Variants in FBXO11 observed in about 807,000 individuals in gnomAD.
FBXO11 encodes F-box protein 11, also known as F-box only protein 11.
Under a neutral mutation model 117.0 loss-of-function variants are expected in FBXO11, and 13 were observed. The observed-to-expected ratio is 0.11, with a 90% CI of 0.07 to 0.18. The LOEUF is 0.18. Ranked by LOEUF, FBXO11 falls within the 10% of genes least tolerant of loss-of-function variation. The pLI is 1.00. For synonymous variants in FBXO11, 490 were observed against 380.5 expected (o/e 1.29, Z -3.35); for missense variants, 767 against 1,164.4 (o/e 0.66, Z 4.97).
At chr2:47,905,291 G>C (rs1025755030) in intron 1 of FBXO11, 198 bp downstream of exon 1, 5 of 383,572 alleles carry the variant, frequency 1.3e-5, no homozygotes, top group African/African-American at 4.2e-5. Flanking sequence ...AGGCGAGAAG[G>C]GAAGCCGCGG....
rs1678816590 is a variant in FBXO11, at chr2:47,906,374, G to T, written c.-654C>A. ...AGGGAGGAGATAGGGGGAAAAAGAG[G>T]CGTCGTCCTTCCTCCTCCTTAAAGG... On this transcript the variant is annotated 5_prime_UTR_variant, in exon 1 of 23. Coordinates refer to ENST00000403359, the MANE Select transcript of FBXO11 (RefSeq NM_001190274.2). Among the ~76,000 whole-genome samples the T allele has an allele frequency of 6.6e-6, 1 of 152,176 alleles. No individual in the cohort carries two copies. The highest frequency in any genetic ancestry group is 2.4e-5 in the African/African-American group (1 of 41,442).
Position 47,905,665 on chromosome 2 carries a change from G to C in FBXO11, c.56C>G (p.Pro19Arg), listed in dbSNP as rs1572943731. ...GGGCTGCTGCTGCTGTTGCTGCACC[G>C]GGCGCGGCCGCGACACTCGCCTGGG... ...RRPRRVSRPR[P>R]VQQQQQQPPQ... Residue 19 changes from proline (P) to arginine (R), a missense_variant, in exon 1 of 23, where the codon CCG becomes CGG. Physicochemically the swap from Pro to Arg is moderately radical, Grantham distance 103. Around this residue, in one of 10 missense-constraint regions of FBXO11, gnomAD observed 355 missense variants for 299.8 expected, o/e 1.18. Coordinates refer to ENST00000403359, the MANE Select transcript of FBXO11 (RefSeq NM_001190274.2). 1 of 1,501,766 alleles carries C rather than the reference G, an allele frequency of 6.7e-7. No individual in the cohort carries two copies. Among genetic ancestry groups the C allele is most frequent in the Non-Finnish European group, 8.9e-7 (1 of 1,127,400 alleles). The allele number at this position is 1,501,766 out of a possible 1,614,324, so 93.0% of individuals were successfully genotyped here.
At chr2:47,895,858 A>G (rs1027546121) in intron 1 of FBXO11, among the ~76,000 whole-genome samples, 2 of 152,052 alleles carry the variant, frequency 1.3e-5, no homozygotes, top group Non-Finnish European at 2.9e-5. Context: ...ATACCCAGCT[A>G]GCCAATTTCT....
intron 1 of FBXO11, 68 bp downstream of exon 1, chr2:47,905,421 C>G (rs1678708247): frequency 8.5e-7 from 1 of 1,172,510 alleles, no homozygotes; most frequent in Non-Finnish European, 1.0e-6. Context: ...CCCGCCCGCC[C>G]GCCCGCCCCG....
chr2:47,893,225 C>G (rs1378627035), intron 1 of FBXO11, among the ~76,000 whole-genome samples: 1 of 151,518 alleles, frequency 6.6e-6, no homozygotes, highest in African/African-American at 2.4e-5. Context: ...TCAAAACAAG[C>G]CTTTATCTTA....
chr2:47,888,015 TG>T (rs1033089208), intron 1 of FBXO11, among the ~76,000 whole-genome samples: 3 of 151,290 alleles, frequency 2.0e-5, no homozygotes, highest in Non-Finnish European at 4.4e-5. Context: ...AAACCTTGTC[TG>T]AAAAAAAAAA....
At chr2:47,900,815 CGTGT>C (rs1310077766) in intron 1 of FBXO11, among the ~76,000 whole-genome samples, 2 of 76,634 alleles carry the variant, frequency 2.6e-5, no homozygotes, top group South Asian at 4.5e-4. Context: ...TATACACACA[CGTGT>C]ATATATATAC....
chr2:47,870,747 A>C (rs1008432401), intron 1 of FBXO11, among the ~76,000 whole-genome samples: 3 of 152,232 alleles, frequency 2.0e-5, no homozygotes, highest in Non-Finnish European at 2.9e-5. Flanking sequence ...TGGTAGCACT[A>C]GAAAAGCTAG....
At chr2:47,811,476 C>G (rs530736973) in intron 18 of FBXO11, 83 of 152,418 alleles carry the variant, frequency 5.4e-4, no homozygotes, top group African/African-American at 1.9e-3. Flanking sequence ...GGGCCTCCCC[C>G]AAAGTGCTGG....
chr2:47,851,989 A>ATGTTTTTT (rs1673899210), intron 1 of FBXO11, among the ~76,000 whole-genome samples: 1 of 132,850 alleles, frequency 7.5e-6, no homozygotes, highest in South Asian at 2.4e-4. Context: ...CAAGCAACCA[A>ATGTTTTTT]TTTTTTTTTT....
chr2:47,812,733 G>A (rs1375162144), intron 18 of FBXO11: 11 of 191,380 alleles, frequency 5.7e-5, no homozygotes, highest in Non-Finnish European at 9.7e-5. Flanking sequence ...ATCTGTAAGG[G>A]GCAGGCACTA....
intron 1 of FBXO11, among the ~76,000 whole-genome samples, chr2:47,841,123 G>A (rs1001732020): frequency 2.0e-5 from 3 of 151,460 alleles, no homozygotes; most frequent in Non-Finnish European, 2.9e-5. Context: ...GTGTGAACCC[G>A]GGAGGCAGAG....
chr2:47,904,720 G>A (rs1315250529), intron 1 of FBXO11, among the ~76,000 whole-genome samples: 1 of 152,146 alleles, frequency 6.6e-6, no homozygotes, highest in African/African-American at 2.4e-5. Flanking sequence ...GGGGAGGACA[G>A]GCGAGGGGGT....
At chr2:47,836,395 GTCTATT>G (rs1672564448) in intron 4 of FBXO11, among the ~76,000 whole-genome samples, 2 of 152,152 alleles carry the variant, frequency 1.3e-5, no homozygotes, top group Non-Finnish European at 2.9e-5. Context: ...TTGAGACATA[GTCTATT>G]TCTATCACCC....
chr2:47,813,005 A>T, intron 18 of FBXO11: 1 of 529,762 alleles, frequency 1.9e-6, no homozygotes, highest in Admixed American at 3.2e-5. Context: ...TCTATCTTTA[A>T]AAAGGCTTAC....
At chr2:47,900,743 TAC>T (rs1372555643) in intron 1 of FBXO11, among the ~76,000 whole-genome samples, 18 of 85,114 alleles carry the variant, frequency 2.1e-4, no homozygotes, top group African/African-American at 6.9e-4. Context: ...TGTATATATA[TAC>T]ACGTATACAC....
chr2:47,808,634 T>TA (rs1670391743), intron 21 of FBXO11: 2 of 488,868 alleles, frequency 4.1e-6, no homozygotes, highest in South Asian at 7.7e-5. Context: ...AGAGAAATGA[T>TA]TTGTAAATTG....
chr2:47,900,706 GTA>G lies in FBXO11; in HGVS notation c.232+4781_232+4782del, dbSNP rs564965609. On this transcript the variant is annotated intron_variant, in intron 1 of 22. Transcript: ENST00000403359. ...TATACACACACGTATACACACACGT[GTA>G]TATATATACACGTATACACACACGT... Among the ~76,000 whole-genome samples, 9 of 73,592 alleles carry G rather than the reference GTA, an allele frequency of 1.2e-4. 1 individual carries two copies. Among genetic ancestry groups the G allele is most frequent in the South Asian group, 7.6e-4 (2 of 2,634 alleles). The allele number at this position is 73,592 out of a possible 152,430, so 48.3% of individuals were successfully genotyped here.
chr2:47,905,315 C>T (rs1346423028), intron 1 of FBXO11, 174 bp downstream of exon 1: 8 of 571,030 alleles, frequency 1.4e-5, no homozygotes, highest in Non-Finnish European at 1.7e-5. Flanking sequence ...TTCCTGCCGG[C>T]CGGGCCCGGC....
Sources: gnomAD v4.1 joint callset for allele counts (sites outside exome capture counted in the v4.1 genomes callset) on GRCh38, gnomAD v4.1.1 for gene constraint, gnomAD v4.1.1 regional missense constraint, MANE v1.5 for transcripts, NCBI Gene and HGNC (gene_info 2026-07-23, HGNC 2026-07-21) for gene names.